Variants in FGF5 observed in about 807,000 individuals in gnomAD.
FGF5 encodes the protein heparin-binding growth factor 5.
Under a neutral mutation model 21.8 loss-of-function variants are expected in FGF5, and 23 were observed. The ratio of observed to expected loss-of-function variants is 1.05; its 90% CI spans 0.76 to 1.49. The LOEUF (loss-of-function observed/expected upper bound fraction) is 1.49. Among genes scored for constraint, FGF5 ranks in the 40% most tolerant of loss-of-function variants. The pLI is 0.00. For missense variants in FGF5, 352 were observed against 332.9 expected (o/e 1.06, Z -0.45); for synonymous variants, 158 against 124.0 (o/e 1.27, Z -1.82).
chr4:80,275,827 T>C (rs934757590), intron 2 of FGF5, among the ~76,000 whole-genome samples: 3 of 152,074 alleles, frequency 2.0e-5, no homozygotes, highest in East Asian at 1.9e-4. Context: ...GGCATACTTA[T>C]TTTCTTCACA....
At chr4:80,281,447 A>T (rs1362506636) in intron 2 of FGF5, among the ~76,000 whole-genome samples, 1 of 152,182 alleles carries the variant, frequency 6.6e-6, no homozygotes, top group East Asian at 1.9e-4. Context: ...TTGATTATTT[A>T]TATTTGGCTT....
At chr4:80,283,190 T>A (rs1578297550) in intron 2 of FGF5, among the ~76,000 whole-genome samples, 2 of 152,224 alleles carry the variant, frequency 1.3e-5, no homozygotes, top group East Asian at 3.9e-4. Flanking sequence ...CAAAACAGTC[T>A]AACTGCGTTT....
rs773346447 is a variant in FGF5 at position 80,286,949 on chromosome 4, G to A, written c.*277G>A. 20 of 293,822 alleles carry A rather than the reference G, an allele frequency of 6.8e-5. No homozygotes were observed. The highest frequency in any genetic ancestry group is 1.2e-4 in the Non-Finnish European group (19 of 158,248). The allele number at this position is 293,822 out of a possible 1,614,324, so 18.2% of individuals were successfully genotyped here. A position where few individuals can be genotyped will look rare whatever the true frequency, so the allele number is the denominator to read the frequency against. ...GGGATATTTAGAACTTTGTATTTTC[G>A]GAAAGTTAAATAACAGGGACTACGT... is the stretch of plus-strand genomic sequence containing the variant. On this transcript the variant is annotated 3_prime_UTR_variant, in exon 3 of 3. Coordinates refer to ENST00000312465, the MANE Select transcript of FGF5 (RefSeq NM_004464.4).
Position 80,287,378 on chromosome 4 carries a change from A to G in FGF5, c.*706A>G, listed in dbSNP as rs947097708. 9 of 152,152 alleles carry G rather than the reference A, an allele frequency of 5.9e-5. No individual in the cohort carries two copies. The highest frequency in any genetic ancestry group is 2.2e-4 in the African/African-American group (9 of 41,448). The allele number at this position is 152,152 out of a possible 1,614,324, so 9.4% of individuals were successfully genotyped here. On this transcript the variant is annotated 3_prime_UTR_variant, in exon 3 of 3. Coordinates refer to ENST00000312465, the MANE Select transcript of FGF5 (RefSeq NM_004464.4). ...TGGATTTGTGTGTATGTGTATGTCA[A>G]TTCATGACATTATGTGGAATCCTAA...
intron 2 of FGF5, among the ~76,000 whole-genome samples, chr4:80,277,841 T>G (rs1049792701): frequency 6.6e-6 from 1 of 152,104 alleles, no homozygotes; most frequent in African/African-American, 2.4e-5. Context: ...TGAGAAATAT[T>G]CATGGATACT....
At chr4:80,277,639 T>C (rs997391686) in intron 2 of FGF5, among the ~76,000 whole-genome samples, 1 of 152,094 alleles carries the variant, frequency 6.6e-6, no homozygotes, top group Non-Finnish European at 1.5e-5. Context: ...TTTTACGACT[T>C]TACATCATCC....
chr4:80,285,250 C>A (rs1720677138), intron 2 of FGF5, among the ~76,000 whole-genome samples: 1 of 152,198 alleles, frequency 6.6e-6, no homozygotes, highest in East Asian at 1.9e-4. Context: ...TCTTTCAGAG[C>A]TGGTGCTGAC....
In FGF5 at chr4:80,288,126, G is replaced by C. The variant is rs1002420437; in HGVS notation, c.*1454G>C. 2.6e-5 allele frequency: 4 copies of C among 152,152 alleles called. No homozygotes were observed. The highest frequency in any genetic ancestry group is 5.9e-5 in the Non-Finnish European group (4 of 68,010). 9.4% of individuals were successfully genotyped at this position (152,152 alleles called of 1,614,324 possible). A position where few individuals can be genotyped will look rare whatever the true frequency, so the allele number is the denominator to read the frequency against. ...GCTAAAGGCTAAACATATGGCTTTA[G>C]TAGTAACAAAAGGGTTCATAGAAAC... On this transcript the variant is annotated 3_prime_UTR_variant, in exon 3 of 3. Transcript: ENST00000312465.
rs1220988254 is a variant in FGF5 at position 80,289,705 on chromosome 4, A to G, written c.*3033A>G. 1 of 152,112 alleles carries G rather than the reference A, an allele frequency of 6.6e-6. No individual in the cohort carries two copies. The highest frequency in any genetic ancestry group is 1.9e-4 in the East Asian group (1 of 5,196). 9.4% of individuals were successfully genotyped at this position (152,112 alleles called of 1,614,324 possible). A position where few individuals can be genotyped will look rare whatever the true frequency, so the allele number is the denominator to read the frequency against. ...ATTTATCTTTCAAGAGTCTCTCTTCACTTCCTTCTAAAGAGACTAATTTGA... is the reference window on the plus strand; with the variant it reads ...ATTTATCTTTCAAGAGTCTCTCTTCGCTTCCTTCTAAAGAGACTAATTTGA... On this transcript the variant is annotated 3_prime_UTR_variant, in exon 3 of 3. Coordinates refer to ENST00000312465, the MANE Select transcript of FGF5 (RefSeq NM_004464.4).
intron 1 of FGF5, among the ~76,000 whole-genome samples, chr4:80,271,169 G>C (rs975922719): frequency 6.6e-6 from 1 of 152,118 alleles, no homozygotes; most frequent in African/African-American, 2.4e-5. Context: ...ATTAACAAAA[G>C]AGAGAAAAAG....
intron 2 of FGF5, 86 bp from the exon 3 acceptor site, chr4:80,286,239 G>GT (rs558816041): frequency 0.011 from 9,202 of 846,780 alleles, no homozygotes; most frequent in Non-Finnish European, 0.013. Context: ...CAAAATTATT[G>GT]TTTTTTTTTC....
intron 1 of FGF5, among the ~76,000 whole-genome samples, chr4:80,267,966 G>T (rs771920056): frequency 1.3e-5 from 2 of 152,196 alleles, no homozygotes; most frequent in Admixed American, 6.5e-5. Context: ...CCAGCCTTTG[G>T]TCCCCAAGAA....
At chr4:80,269,451 C>G (rs1720207418) in intron 1 of FGF5, among the ~76,000 whole-genome samples, 1 of 151,962 alleles carries the variant, frequency 6.6e-6, no homozygotes, top group Admixed American at 6.6e-5. Flanking sequence ...TGTAGAAAAG[C>G]AAAGGGGGGA....
At chr4:80,278,347 G>A (rs1024303713) in intron 2 of FGF5, among the ~76,000 whole-genome samples, 11 of 151,910 alleles carry the variant, frequency 7.2e-5, no homozygotes, top group Non-Finnish European at 1.6e-4. Flanking sequence ...TTTTCTCTTT[G>A]ATTCATATCA....
chr4:80,272,190 T>C (rs1301831197), intron 1 of FGF5, among the ~76,000 whole-genome samples: 1 of 152,222 alleles, frequency 6.6e-6, no homozygotes, highest in East Asian at 1.9e-4. Flanking sequence ...TTCTTTATAA[T>C]GTTAAATAGA....
chr4:80,277,462 T>C (rs950201102), intron 2 of FGF5, among the ~76,000 whole-genome samples: 1 of 152,146 alleles, frequency 6.6e-6, no homozygotes, highest in Non-Finnish European at 1.5e-5. Context: ...AATTATAAAG[T>C]GATTTATTTT....
intron 2 of FGF5, among the ~76,000 whole-genome samples, chr4:80,284,384 A>G (rs1720649663): frequency 6.6e-6 from 1 of 152,182 alleles, no homozygotes; most frequent in Non-Finnish European, 1.5e-5. Flanking sequence ...CAGTGAGCCA[A>G]GATAATGCCA....
At chr4:80,279,817 A>G (rs1270434318) in intron 2 of FGF5, among the ~76,000 whole-genome samples, 1 of 152,210 alleles carries the variant, frequency 6.6e-6, no homozygotes, top group Admixed American at 6.5e-5. Context: ...TGGTGGAATT[A>G]TTTTTGTTTC....
rs1720104313 is a variant in FGF5 at position 80,266,917 on chromosome 4, AC to A, written c.96del (p.Gly33AspfsTer86). 1 of 1,613,920 alleles carries A rather than the reference AC, an allele frequency of 6.2e-7. No individual in the cohort carries two copies. The highest frequency in any genetic ancestry group is 1.3e-5 in the African/African-American group (1 of 74,924). On this transcript the variant is annotated frameshift_variant, in exon 1 of 3. Transcript: ENST00000312465. LOFTEE classifies it high-confidence loss of function. ...AGAAGCGTCTCGCCCCCAAAGGGCA[AC>A]CCGGACCCGCTGCCACTGATAGGAA... Reference protein sequence around the residue: ...GEKRLAPKGQPGPAATDRNPR... With the variant: ...GEKRLAPKGQXGPAATDRNPR...
Sources: gnomAD v4.1 joint callset for allele counts (sites outside exome capture counted in the v4.1 genomes callset) on GRCh38, gnomAD v4.1.1 for gene constraint, MANE v1.5 for transcripts, NCBI Gene and HGNC (gene_info 2026-07-23, HGNC 2026-07-21) for gene names.